The following ADCY2 variants were observed in gnomAD, a reference collection of about 807,000 sequenced individuals.
The protein encoded by ADCY2 is adenylate cyclase 2.
In ADCY2, 31 loss-of-function variants were observed where a neutral mutation model predicts 125.2. That is an observed-to-expected ratio of 0.25 (90% CI 0.19 to 0.33). ADCY2 has a LOEUF of 0.33. ADCY2 is among the 10% of genes least tolerant of loss of function. The pLI is 1.00. For missense variants in ADCY2, 904 were observed against 1,418.2 expected (o/e 0.64, Z 5.82); for synonymous variants, 512 against 548.4 (o/e 0.93, Z 0.93).
At chr5:7,557,191 T>TGA (rs1735550015) in intron 3 of ADCY2, among the ~76,000 whole-genome samples, 20 of 81,148 alleles carry the variant, frequency 2.5e-4, no homozygotes, top group Non-Finnish European at 3.7e-4. Flanking sequence ...ATTATATATG[T>TGA]GATATATATA....
At chr5:7,708,900 A>C (rs1407802368) in intron 9 of ADCY2, among the ~76,000 whole-genome samples, 1 of 152,208 alleles carries the variant, frequency 6.6e-6, no homozygotes, top group Non-Finnish European at 1.5e-5. Flanking sequence ...TTAGAAAAAC[A>C]CAACCATCAA....
At chr5:7,707,559 G>A (rs779858171) in intron 8 of ADCY2, 147 bp from the exon 9 acceptor site, 364 of 924,484 alleles carry the variant, frequency 3.9e-4, no homozygotes, top group Admixed American at 5.5e-4. Flanking sequence ...TTCCAAAGCA[G>A]TGGTCAATAG....
intron 2 of ADCY2, among the ~76,000 whole-genome samples, chr5:7,458,520 A>T (rs979876068): frequency 6.6e-6 from 1 of 152,192 alleles, no homozygotes; most frequent in Non-Finnish European, 1.5e-5. Context: ...AAAATAAAAC[A>T]TGTATTCTGT....
At chr5:7,675,035 G>T (rs963516909) in intron 4 of ADCY2, among the ~76,000 whole-genome samples, 3 of 151,822 alleles carry the variant, frequency 2.0e-5, no homozygotes, top group Admixed American at 6.6e-5. Context: ...GGCACCTGTA[G>T]TCTCAGCTAC....
intron 3 of ADCY2, among the ~76,000 whole-genome samples, chr5:7,596,915 A>T (rs1448975877): frequency 6.6e-6 from 1 of 152,224 alleles, no homozygotes; most frequent in Non-Finnish European, 1.5e-5. Flanking sequence ...GGAATTAAGA[A>T]GGGCTACATA....
chr5:7,673,262 A>T (rs1561158704), intron 4 of ADCY2, among the ~76,000 whole-genome samples: 1 of 56,214 alleles, frequency 1.8e-5, no homozygotes, highest in Non-Finnish European at 3.6e-5. Context: ...AAAAAAAAAA[A>T]AAAAAAAATA....
intron 22 of ADCY2, among the ~76,000 whole-genome samples, chr5:7,814,033 A>G (rs1173736096): frequency 6.6e-6 from 1 of 152,082 alleles, no homozygotes; most frequent in Non-Finnish European, 1.5e-5. Flanking sequence ...AAAAAAAAAA[A>G]ATACTAGTGA....
At chr5:7,694,268 A>G (rs1321803839) in intron 5 of ADCY2, among the ~76,000 whole-genome samples, 1 of 152,036 alleles carries the variant, frequency 6.6e-6, no homozygotes, top group Non-Finnish European at 1.5e-5. Context: ...ACTTTTTTTT[A>G]CTGTTGTAAA....
At chr5:7,700,505 T>C (rs1013446569) in intron 7 of ADCY2, among the ~76,000 whole-genome samples, 2 of 152,076 alleles carry the variant, frequency 1.3e-5, no homozygotes, top group African/African-American at 4.8e-5. Context: ...CTCAACTTTT[T>C]TTTTTTTTTA....
rs181018962 is a variant in ADCY2, at chr5:7,538,279, C to T, written c.570+17380C>T. On this transcript the variant is annotated intron_variant, in intron 3 of 24. Transcript: ENST00000338316. ...AGCCAGGAAGACTTGAGCTCCAATC[C>T]CAGTTCTGCATGAATTGGTTGTATG... is the stretch of plus-strand genomic sequence containing the variant. Among the ~76,000 whole-genome samples the T allele has an allele frequency of 8.2e-3, 1,251 of 152,130 alleles. 10 individuals are homozygous for T. The highest frequency in any genetic ancestry group is 0.012 in the Non-Finnish European group (843 of 67,994).
At chr5:7,491,656 T>C (rs1743169088) in intron 2 of ADCY2, among the ~76,000 whole-genome samples, 1 of 152,192 alleles carries the variant, frequency 6.6e-6, no homozygotes, top group Admixed American at 6.5e-5. Flanking sequence ...TTGATATTTT[T>C]AGGTCTAAAA....
At position 7,727,278 on chromosome 5, in the gene ADCY2, T is replaced by G. The variant is rs1441955417; in HGVS notation, c.1871+17T>G. 1 of 1,605,422 alleles carries G rather than the reference T, an allele frequency of 6.2e-7. No individual in the cohort carries two copies. Among genetic ancestry groups the G allele is most frequent in the Non-Finnish European group, 8.5e-7 (1 of 1,172,486 alleles). On this transcript the variant is annotated intron_variant, in intron 14 of 24. Transcript: ENST00000338316. ...GCTGCCAAAGTAAGTACTTCTGGTT[T>G]CCACTGGGATTCTCACCTGGGGTGC...
chr5:7,806,763 G>A (rs185509282), intron 22 of ADCY2, among the ~76,000 whole-genome samples: 1 of 152,308 alleles, frequency 6.6e-6, no homozygotes, highest in East Asian at 1.9e-4. Flanking sequence ...TGGGAGGTTA[G>A]CACTTCAACA....
intron 20 of ADCY2, among the ~76,000 whole-genome samples, chr5:7,791,501 C>T (rs2126507290): frequency 6.6e-6 from 1 of 152,284 alleles, no homozygotes; most frequent in Non-Finnish European, 1.5e-5. Context: ...CTCCCATCTT[C>T]CTGGAAATAT....
chr5:7,532,609 C>T (rs59040999), intron 3 of ADCY2, among the ~76,000 whole-genome samples: 37,092 of 151,966 alleles, frequency 0.24, 5,629 homozygotes, highest in East Asian at 0.41. Flanking sequence ...TGTTATACTG[C>T]GAAGGAAGTA....
chr5:7,655,952 A>G (rs1005704891), intron 4 of ADCY2, among the ~76,000 whole-genome samples: 1 of 152,116 alleles, frequency 6.6e-6, no homozygotes, highest in Non-Finnish European at 1.5e-5. Flanking sequence ...TGTGTCCTGT[A>G]AAATAAGGGT....
chr5:7,743,631 T>A (rs1396530069), intron 14 of ADCY2, 37 bp from the exon 15 acceptor site: 8 of 1,589,764 alleles, frequency 5.0e-6, no homozygotes, highest in Non-Finnish European at 6.0e-6. Context: ...AGAGAAACGA[T>A]CTCCACCCTG....
chr5:7,446,237 A>G (rs547663866), intron 2 of ADCY2, among the ~76,000 whole-genome samples: 1 of 152,332 alleles, frequency 6.6e-6, no homozygotes, highest in Middle Eastern at 3.4e-3. Flanking sequence ...TGTTTTTGGA[A>G]ATGAATTTCA....
intron 4 of ADCY2, among the ~76,000 whole-genome samples, chr5:7,655,715 A>T (rs1739299517): frequency 6.6e-6 from 1 of 152,230 alleles, no homozygotes; most frequent in African/African-American, 2.4e-5. Context: ...AGTCAAGTGG[A>T]CATGTAGAAT....
Sources: allele counts gnomAD v4.1 joint callset (sites outside exome capture counted in the v4.1 genomes callset), GRCh38; gene constraint gnomAD v4.1.1; transcripts MANE v1.5; gene names NCBI Gene and HGNC (gene_info 2026-07-23, HGNC 2026-07-21).